The following IL1RAPL2 variants were observed in gnomAD, a reference collection of about 807,000 sequenced individuals.
IL1RAPL2 encodes X-linked interleukin-1 receptor accessory protein-like 2.
A neutral mutation model predicts 44.1 loss-of-function variants in IL1RAPL2; 3 were observed. That is an observed-to-expected ratio of 0.07 (90% CI 0.03 to 0.18). IL1RAPL2 has a LOEUF of 0.18. Among genes scored for constraint, IL1RAPL2 ranks in the 10% least tolerant of loss-of-function variants. The pLI is 1.00. For synonymous variants in IL1RAPL2, 181 were observed against 178.8 expected, an observed-to-expected ratio of 1.01 and a Z score of -0.10; for missense variants, 391 against 496.4, an observed-to-expected ratio of 0.79 and a Z score of 2.02.
At chrX:105,263,679 G>A (rs1377706364) in intron 4 of IL1RAPL2, among the ~76,000 whole-genome samples, 13 of 111,117 alleles carry the variant, frequency 1.2e-4, no homozygotes, top group Non-Finnish European at 2.3e-4. Flanking sequence ...GGTGGGGAGG[G>A]AGAGGAAAAA....
At chrX:105,736,855 T>C (rs2147572140) in intron 7 of IL1RAPL2, among the ~76,000 whole-genome samples, 2 of 111,479 alleles carry the variant, frequency 1.8e-5, no homozygotes, top group African/African-American at 6.5e-5. Flanking sequence ...TTCAACTCAG[T>C]AATCTCATTA....
At chrX:105,597,249 T>C (rs1036646212) in intron 6 of IL1RAPL2, among the ~76,000 whole-genome samples, 1 of 111,604 alleles carries the variant, frequency 9.0e-6, no homozygotes, top group African/African-American at 3.3e-5. Context: ...CAAACACATA[T>C]GTGAAGAAAA....
intron 1 of IL1RAPL2, among the ~76,000 whole-genome samples, chrX:104,599,558 T>C (rs764846412): frequency 9.1e-6 from 1 of 109,626 alleles, no homozygotes; most frequent in South Asian, 4.0e-4. Context: ...GATTTTTTTT[T>C]AAAGAAACCT....
intron 2 of IL1RAPL2, among the ~76,000 whole-genome samples, chrX:104,938,109 G>A (rs1179633118): frequency 1.8e-5 from 2 of 112,361 alleles, no homozygotes; most frequent in Non-Finnish European, 3.8e-5. Context: ...CAGTAAGCCA[G>A]TAATATTGAA....
At chrX:104,642,360 C>T (rs1202176121) in intron 1 of IL1RAPL2, among the ~76,000 whole-genome samples, 1 of 112,369 alleles carries the variant, frequency 8.9e-6, no homozygotes, top group Admixed American at 9.4e-5. Flanking sequence ...AATATTCCAC[C>T]ATATGGGTAT....
intron 2 of IL1RAPL2, among the ~76,000 whole-genome samples, chrX:105,190,604 A>G (rs1847200856): frequency 9.0e-6 from 1 of 111,716 alleles, no homozygotes; most frequent in African/African-American, 3.3e-5. Flanking sequence ...ACATGCTTGC[A>G]TATTTTCTCA....
At chrX:104,965,211 G>A (rs1311537357) in intron 2 of IL1RAPL2, among the ~76,000 whole-genome samples, 1 of 111,580 alleles carries the variant, frequency 9.0e-6, no homozygotes, top group African/African-American at 3.3e-5. Flanking sequence ...GTGATTGCCA[G>A]TTGAATCTCC....
At chrX:104,715,229 A>T (rs1296644362) in intron 2 of IL1RAPL2, among the ~76,000 whole-genome samples, 1 of 108,875 alleles carries the variant, frequency 9.2e-6, no homozygotes, top group Non-Finnish European at 1.9e-5. Context: ...GTATATGGGA[A>T]TTTATCCATT....
intron 1 of IL1RAPL2, among the ~76,000 whole-genome samples, chrX:104,609,528 T>A (rs1478417868): frequency 8.9e-6 from 1 of 112,419 alleles, no homozygotes; most frequent in East Asian, 2.8e-4. Flanking sequence ...TCCCATATTT[T>A]TTGGATGCTT....
chrX:105,503,721 G>T (rs766531560), intron 6 of IL1RAPL2, among the ~76,000 whole-genome samples: 1 of 111,446 alleles, frequency 9.0e-6, no homozygotes, highest in Non-Finnish European at 1.9e-5. Flanking sequence ...AAATCAATTT[G>T]TCAGCAGTAC....
At position 104,820,079 on chromosome X, in the gene IL1RAPL2, C is replaced by T. The variant is rs762052063; in HGVS notation, c.82+161084C>T. On this transcript the variant is annotated intron_variant, in intron 2 of 10. Coordinates refer to ENST00000372582, the MANE Select transcript of IL1RAPL2 (RefSeq NM_017416.2). ...GTTCTCTAGATAAAGAAAAGTTTGA[C>T]TGGTATTAGATATGAAAAATGGAAT... 1.5e-3 allele frequency among the ~76,000 whole-genome samples: 165 copies of T among 111,398 alleles called. 1 individual carries two copies. The highest frequency in any genetic ancestry group is 5.0e-3 in the African/African-American group (154 of 30,648).
chrX:105,219,250 G>A (rs1556173444), intron 3 of IL1RAPL2: 5 of 1,210,963 alleles, frequency 4.1e-6, no homozygotes, highest in Non-Finnish European at 5.6e-6. Context: ...GGATATAGTG[G>A]GTATGTCTGA....
intron 8 of IL1RAPL2, 67 bp from the exon 9 acceptor site, chrX:105,748,893 G>C: frequency 9.3e-7 from 1 of 1,073,005 alleles, no homozygotes. Flanking sequence ...TTATATACTA[G>C]AAATATGGGA....
intron 2 of IL1RAPL2, among the ~76,000 whole-genome samples, chrX:104,985,084 A>G (rs1464725370): frequency 2.4e-5 from 2 of 84,831 alleles, no homozygotes; most frequent in East Asian, 7.9e-4. Flanking sequence ...ATTTTGTTTT[A>G]TTTTTCTTTA....
intron 6 of IL1RAPL2, among the ~76,000 whole-genome samples, chrX:105,529,838 T>A (rs1156981637): frequency 8.9e-6 from 1 of 112,236 alleles, no homozygotes. Flanking sequence ...TGGCTGATTT[T>A]ACTTAGGATG....
chrX:104,708,362 C>G (rs180792976), intron 2 of IL1RAPL2, among the ~76,000 whole-genome samples: 1 of 110,914 alleles, frequency 9.0e-6, no homozygotes, highest in East Asian at 2.9e-4. Flanking sequence ...CTCATGCCTT[C>G]TATTTATTAA....
chrX:105,507,393 GAGA>G (rs746837658), intron 6 of IL1RAPL2, among the ~76,000 whole-genome samples: 1 of 111,698 alleles, frequency 9.0e-6, no homozygotes, highest in African/African-American at 3.2e-5. Context: ...ATACAATACT[GAGA>G]AGGTCAAAAT....
At chrX:105,168,414 GGTGTGTGTGT>G (rs57882187) in intron 2 of IL1RAPL2, among the ~76,000 whole-genome samples, 2,621 of 89,041 alleles carry the variant, frequency 0.029, 38 homozygotes, top group Middle Eastern at 0.049. Flanking sequence ...AACCATAGGA[GGTGTGTGTGT>G]GTGTGTGTGT....
intron 5 of IL1RAPL2, among the ~76,000 whole-genome samples, chrX:105,390,543 A>G (rs771127906): frequency 1.8e-5 from 2 of 111,241 alleles, no homozygotes; most frequent in South Asian, 7.5e-4. Flanking sequence ...TATAGCAGCA[A>G]TTATCCTCTT....
Sources: allele counts gnomAD v4.1 joint callset (sites outside exome capture counted in the v4.1 genomes callset), GRCh38; gene constraint gnomAD v4.1.1; transcripts MANE v1.5; gene names NCBI Gene and HGNC (gene_info 2026-07-23, HGNC 2026-07-21).